Variants in BRAF observed in about 807,000 individuals in gnomAD.
BRAF encodes the protein B-Raf proto-oncogene, serine/threonine kinase, also known as serine/threonine-protein kinase B-raf.
In BRAF, 16 loss-of-function variants were observed where a neutral mutation model predicts 104.6. The observed-to-expected ratio is 0.15, with a 90% CI of 0.10 to 0.23. The LOEUF (loss-of-function observed/expected upper bound fraction) is 0.23, where lower values mean the gene tolerates loss of function less well. Ranked by LOEUF, BRAF falls within the 10% of genes least tolerant of loss-of-function variation. The pLI, the probability that BRAF is intolerant of heterozygous loss-of-function variation, is 1.00. For missense variants in BRAF, 541 were observed against 937.3 expected (o/e 0.58, Z 5.52); for synonymous variants, 310 against 341.6 (o/e 0.91, Z 1.02).
chr7:140,892,620 C>A (rs756263151), intron 1 of BRAF, among the ~76,000 whole-genome samples: 21 of 152,160 alleles, frequency 1.4e-4, no homozygotes, highest in Non-Finnish European at 2.1e-4. Context: ...TGTGCTAGAG[C>A]ATTTAGTACA....
intron 6 of BRAF, 190 bp downstream of exon 6, chr7:140,801,222 C>CCA: frequency 1.6e-6 from 1 of 614,166 alleles, no homozygotes; most frequent in Non-Finnish European, 2.8e-6. Flanking sequence ...TATAGCTGAA[C>CCA]CAGCATTACA....
intron 17 of BRAF, 168 bp downstream of exon 16, chr7:140,749,119 T>G: frequency 2.7e-6 from 2 of 747,176 alleles, no homozygotes; most frequent in Non-Finnish European, 4.3e-6. Flanking sequence ...GGAAAGGACT[T>G]AACGTGTTGC....
intron 3 of BRAF, among the ~76,000 whole-genome samples, chr7:140,809,849 C>G (rs184532101): frequency 2.2e-4 from 34 of 151,620 alleles, no homozygotes; most frequent in African/African-American, 8.2e-4. Context: ...AAGAGAGAGA[C>G]AGAGAAGGAG....
chr7:140,814,166 C>G (rs1170872678), intron 3 of BRAF, among the ~76,000 whole-genome samples: 1 of 151,892 alleles, frequency 6.6e-6, no homozygotes. Flanking sequence ...TAATTTTTCT[C>G]TTAAAAAAAT....
chr7:140,760,734 T>G (rs1415893507), intron 14 of BRAF, among the ~76,000 whole-genome samples: 1 of 151,722 alleles, frequency 6.6e-6, no homozygotes, highest in Non-Finnish European at 1.5e-5. Flanking sequence ...GAGAACTATG[T>G]GAAGAATGCA....
chr7:140,867,017 T>C (rs1432775550), intron 1 of BRAF, among the ~76,000 whole-genome samples: 1 of 152,184 alleles, frequency 6.6e-6, no homozygotes, highest in Admixed American at 6.5e-5. Flanking sequence ...TTCTCCATAA[T>C]ATAAGATTGC....
At chr7:140,862,374 G>C (rs1246242810) in intron 1 of BRAF, among the ~76,000 whole-genome samples, 2 of 152,058 alleles carry the variant, frequency 1.3e-5, no homozygotes, top group African/African-American at 4.8e-5. Context: ...CAAGTAAAAA[G>C]TTGAAGAGAT....
At chr7:140,808,403 T>C (rs1210608875) in intron 4 of BRAF, 4 of 419,370 alleles carry the variant, frequency 9.5e-6, no homozygotes, top group Non-Finnish European at 9.0e-6. Flanking sequence ...TATCTATCCA[T>C]TCAAGGAAAA....
Position 140,722,182 on chromosome 7 carries a change from G to A in BRAF, c.*4312C>T. The stretch of plus-strand genomic sequence containing the variant: ...TATTTGCAACCTAGTTGCTCTATGT[G>A]ATAAATATATCTGACTATACTAGGG... On this transcript the variant is annotated 3_prime_UTR_variant, in exon 20 of 20. Coordinates refer to ENST00000644969, the MANE Select transcript of BRAF (RefSeq NM_001374258.1). The A allele has an allele frequency of 1.9e-6, 2 of 1,059,924 alleles. No individual in the cohort carries two copies. Among genetic ancestry groups the A allele is most frequent in the Non-Finnish European group, 2.3e-6 (2 of 875,708 alleles). The allele number at this position is 1,059,924 out of a possible 1,614,324, so 65.7% of individuals were successfully genotyped here.
chr7:140,782,186 T>C (rs1800946554), intron 11 of BRAF, among the ~76,000 whole-genome samples: 1 of 152,204 alleles, frequency 6.6e-6, no homozygotes, highest in Admixed American at 6.5e-5. Flanking sequence ...TGTGATACTT[T>C]GCTCAGAAGG....
intron 17 of BRAF, among the ~76,000 whole-genome samples, chr7:140,746,881 T>C (rs1483467069): frequency 8.0e-5 from 12 of 149,402 alleles, no homozygotes; most frequent in Non-Finnish European, 1.6e-4. Context: ...GAGAGGTAGG[T>C]AGACCTAGTC....
At chr7:140,813,884 T>TACATAC (rs1554405450) in intron 3 of BRAF, among the ~76,000 whole-genome samples, 2 of 149,526 alleles carry the variant, frequency 1.3e-5, no homozygotes, top group African/African-American at 4.9e-5. Context: ...TGCGGACGCA[T>TACATAC]ACATACACAC....
chr7:140,782,256 A>C (rs1452427115), intron 11 of BRAF, among the ~76,000 whole-genome samples: 1 of 152,202 alleles, frequency 6.6e-6, no homozygotes, highest in African/African-American at 2.4e-5. Flanking sequence ...TATGAGCAGG[A>C]ATGTATATTA....
rs1817700410 is a variant in BRAF, at chr7:140,916,997, T to G, written c.138+7569A>C. 2.0e-5 allele frequency among the ~76,000 whole-genome samples: 3 copies of G among 152,300 alleles called. No homozygotes were observed. The South Asian group carries it at 6.2e-4, about 32-fold the overall frequency. On this transcript the variant is annotated intron_variant, in intron 1 of 19. Transcript: ENST00000644969. ...TCCAAAACTCACAAACATAAGCAAT[T>G]GATTTCAATAAAAGTGCCAAGGTGA...
chr7:140,816,825 C>T (rs1804932165), intron 3 of BRAF, among the ~76,000 whole-genome samples: 1 of 152,078 alleles, frequency 6.6e-6, no homozygotes, highest in Non-Finnish European at 1.5e-5. Flanking sequence ...TCAGACTTTT[C>T]ATCAGACAAC....
chr7:140,922,164 G>A (rs1195879979), intron 1 of BRAF, among the ~76,000 whole-genome samples: 1 of 152,168 alleles, frequency 6.6e-6, no homozygotes, highest in Admixed American at 6.5e-5. Flanking sequence ...TAAAACCTGG[G>A]TAAAGAGGAC....
chr7:140,731,395 G>GAAAGATGA (rs1435393441), intron 19 of BRAF: 1 of 152,192 alleles, frequency 6.6e-6, no homozygotes, highest in Non-Finnish European at 1.5e-5. Context: ...ACAGTCACAG[G>GAAAGATGA]AAAGATGAAA....
chr7:140,890,843 T>C (rs1814138301), intron 1 of BRAF, among the ~76,000 whole-genome samples: 3 of 152,188 alleles, frequency 2.0e-5, no homozygotes, highest in South Asian at 2.1e-4. Context: ...TAATTTTCTA[T>C]TATGAGAGTA....
chr7:140,866,047 A>G (rs1810931440), intron 1 of BRAF, among the ~76,000 whole-genome samples: 1 of 152,220 alleles, frequency 6.6e-6, no homozygotes, highest in African/African-American at 2.4e-5. Flanking sequence ...TACAAATTCA[A>G]CAATTGCTCA....
Sources: gnomAD v4.1 joint callset for allele counts (sites outside exome capture counted in the v4.1 genomes callset) on GRCh38, gnomAD v4.1.1 for gene constraint, MANE v1.5 for transcripts, NCBI Gene and HGNC (gene_info 2026-07-23, HGNC 2026-07-21) for gene names.